NFIA: variants seen among roughly 807,000 people sequenced by gnomAD.
NFIA encodes nuclear factor I A, also known as nuclear factor 1 A-type.
A neutral mutation model predicts 62.8 loss-of-function variants in NFIA; 8 were observed. The observed-to-expected ratio is 0.13, with a 90% CI of 0.07 to 0.23. The LOEUF (loss-of-function observed/expected upper bound fraction) is 0.23, where lower values mean the gene tolerates loss of function less well. NFIA is among the 10% of genes least tolerant of loss of function. The pLI, the probability that NFIA is intolerant of heterozygous loss-of-function variation, is 1.00. For missense variants in NFIA, 410 were observed against 642.1 expected (o/e 0.64, Z 3.91); for synonymous variants, 235 against 238.1 (o/e 0.99, Z 0.12).
chr1:61,218,287 A>T (rs1653773407), intron 2 of NFIA, among the ~76,000 whole-genome samples: 2 of 152,228 alleles, frequency 1.3e-5, no homozygotes, highest in Admixed American at 1.3e-4. Context: ...TCTAATGGAA[A>T]TGGGGGTTCT....
intron 2 of NFIA, among the ~76,000 whole-genome samples, chr1:61,214,104 T>C (rs1388964005): frequency 6.6e-6 from 1 of 152,160 alleles, no homozygotes; most frequent in Admixed American, 6.6e-5. Flanking sequence ...TGCTTACACA[T>C]GTGTGGAGGG....
intron 6 of NFIA, among the ~76,000 whole-genome samples, chr1:61,370,329 G>A (rs886315629): frequency 3.3e-5 from 5 of 152,144 alleles, no homozygotes; most frequent in African/African-American, 1.2e-4. Flanking sequence ...TGCTCACGTC[G>A]ACAGAGTAAA....
intron 1 of NFIA, among the ~76,000 whole-genome samples, chr1:61,085,285 C>T (rs768451828): frequency 3.9e-5 from 6 of 151,982 alleles, no homozygotes; most frequent in Admixed American, 2.0e-4. Context: ...TAATGATAAC[C>T]CAGCAGAAAT....
intron 3 of NFIA, among the ~76,000 whole-genome samples, chr1:61,329,555 G>A (rs1016751165): frequency 6.6e-6 from 1 of 151,500 alleles, no homozygotes; most frequent in African/African-American, 2.4e-5. Context: ...GCTAGTTTTT[G>A]TATTTTCAGT....
chr1:61,112,528 C>T (rs1646714546), intron 2 of NFIA, among the ~76,000 whole-genome samples: 1 of 152,080 alleles, frequency 6.6e-6, no homozygotes, highest in Non-Finnish European at 1.5e-5. Context: ...TATTGCTGGA[C>T]TCTTAAGATT....
chr1:61,205,504 C>T (rs139829029), intron 2 of NFIA, among the ~76,000 whole-genome samples: 54 of 152,256 alleles, frequency 3.5e-4, no homozygotes, highest in African/African-American at 1.3e-3. Context: ...GCCTAGCACT[C>T]GGTCCAGTGT....
At chr1:61,207,757 C>A (rs1652989120) in intron 2 of NFIA, among the ~76,000 whole-genome samples, 1 of 152,232 alleles carries the variant, frequency 6.6e-6, no homozygotes, top group South Asian at 2.1e-4. Flanking sequence ...ATCACTGTTT[C>A]TGCCTCCTTT....
chr1:61,435,502 G>C (rs1357630687), intron 10 of NFIA, among the ~76,000 whole-genome samples: 1 of 152,136 alleles, frequency 6.6e-6, no homozygotes, highest in East Asian at 1.9e-4. Context: ...CTCATGCTTA[G>C]AGCCTCTGAC....
intron 2 of NFIA, among the ~76,000 whole-genome samples, chr1:61,095,157 A>G (rs1384197547): frequency 2.0e-5 from 3 of 152,208 alleles, no homozygotes; most frequent in African/African-American, 4.8e-5. Context: ...ATGTCTTTCA[A>G]ATACTTCCCT....
intron 6 of NFIA, among the ~76,000 whole-genome samples, chr1:61,379,402 C>CTATTT (rs1410203326): frequency 4.1e-5 from 4 of 98,256 alleles, no homozygotes; most frequent in Non-Finnish European, 3.9e-5. Context: ...TTTTCTTTTT[C>CTATTT]TTTTTTTTTT....
intron 3 of NFIA, among the ~76,000 whole-genome samples, chr1:61,284,792 C>T (rs542293027): frequency 1.3e-5 from 2 of 152,162 alleles, no homozygotes; most frequent in South Asian, 2.1e-4. Context: ...CTCCCCACTC[C>T]CCCCACCTCC....
At chr1:61,384,474 C>T (rs565061587) in intron 7 of NFIA, among the ~76,000 whole-genome samples, 2 of 152,246 alleles carry the variant, frequency 1.3e-5, no homozygotes, top group East Asian at 1.9e-4. Context: ...GTAGAACTTT[C>T]TCAAGATCCC....
At chr1:61,290,018 T>TTC (rs1214128725) in intron 3 of NFIA, among the ~76,000 whole-genome samples, 1 of 151,432 alleles carries the variant, frequency 6.6e-6, no homozygotes, top group Non-Finnish European at 1.5e-5. Flanking sequence ...AGTTTCTTTT[T>TTC]TTTTTTTTTT....
At chr1:61,152,357 G>A (rs1648479830) in intron 2 of NFIA, among the ~76,000 whole-genome samples, 1 of 152,124 alleles carries the variant, frequency 6.6e-6, no homozygotes, top group Non-Finnish European at 1.5e-5. Context: ...ACCCCAGGAG[G>A]TAAATCCCTG....
intron 4 of NFIA, among the ~76,000 whole-genome samples, chr1:61,346,845 C>A (rs112198070): frequency 6.6e-6 from 1 of 152,184 alleles, no homozygotes; most frequent in Non-Finnish European, 1.5e-5. Context: ...GGGAAAGTCT[C>A]GGGAAACTTA....
chr1:61,095,653 C>T (rs1407173331), intron 2 of NFIA, among the ~76,000 whole-genome samples: 2 of 152,184 alleles, frequency 1.3e-5, no homozygotes, highest in Non-Finnish European at 2.9e-5. Context: ...AATGATGTTA[C>T]ACTTGTCACT....
intron 4 of NFIA, among the ~76,000 whole-genome samples, chr1:61,344,289 T>C (rs899160066): frequency 2.0e-5 from 3 of 152,186 alleles, no homozygotes; most frequent in African/African-American, 7.2e-5. Flanking sequence ...TTTGTGCCAG[T>C]GACATGAACT....
intron 3 of NFIA, among the ~76,000 whole-genome samples, chr1:61,311,246 C>T (rs1570559313): frequency 6.6e-6 from 1 of 152,148 alleles, no homozygotes; most frequent in East Asian, 1.9e-4. Context: ...ACAAAATTAT[C>T]CGGGTTTGGT....
intron 2 of NFIA, among the ~76,000 whole-genome samples, chr1:61,221,064 T>C (rs1653986624): frequency 6.6e-6 from 1 of 152,192 alleles, no homozygotes; most frequent in African/African-American, 2.4e-5. Context: ...TAATCCATTT[T>C]TTAATTTACT....
Sources: allele counts gnomAD v4.1 joint callset (sites outside exome capture counted in the v4.1 genomes callset), GRCh38; gene constraint gnomAD v4.1.1; transcripts MANE v1.5; gene names NCBI Gene and HGNC (gene_info 2026-07-23, HGNC 2026-07-21).